CT45A1: variants seen among roughly 807,000 people sequenced by gnomAD.
CT45A1 encodes the protein cancer/testis antigen 45-1.
intron 1 of CT45A1, among the ~76,000 whole-genome samples, chrX:135,714,434 A>G (rs1235290451): frequency 9.2e-6 from 1 of 108,425 alleles, no homozygotes; most frequent in Admixed American, 9.8e-5. Flanking sequence ...GCCATGAGGG[A>G]GGCCACGTGA....
At chrX:135,709,874 T>C (rs1350952713), upstream of CT45A1, among the ~76,000 whole-genome samples, 1 of 112,163 alleles carries the variant, frequency 8.9e-6, no homozygotes, top group African/African-American at 3.2e-5. Context: ...CTGGTATTTA[T>C]AATTTTAAAA....
At chrX:135,718,136 A>G (rs1556572300) in intron 1 of CT45A1, among the ~76,000 whole-genome samples, 1 of 112,221 alleles carries the variant, frequency 8.9e-6, no homozygotes, top group Non-Finnish European at 1.9e-5. Context: ...TTGACCATGT[A>G]TGAAAATGAT....
intron 1 of CT45A1, among the ~76,000 whole-genome samples, chrX:135,715,539 A>G (rs1329962017): frequency 1.2e-5 from 1 of 86,748 alleles, no homozygotes; most frequent in African/African-American, 4.4e-5. Flanking sequence ...TATAATACTT[A>G]TATATAATAC....
intron 1 of CT45A1, among the ~76,000 whole-genome samples, chrX:135,718,440 T>C (rs1324170983): frequency 9.0e-6 from 1 of 110,498 alleles, no homozygotes; most frequent in Non-Finnish European, 1.9e-5. Flanking sequence ...TAATAAGAGT[T>C]CCTAATAAGG....
chrX:135,709,278 G>A (rs1192415249), upstream of CT45A1, among the ~76,000 whole-genome samples: 2 of 110,829 alleles, frequency 1.8e-5, no homozygotes, highest in African/African-American at 3.3e-5. Context: ...GGCATGCACT[G>A]TTACACCTGG....
At chrX:135,717,789 G>C (rs143451561) in intron 1 of CT45A1, among the ~76,000 whole-genome samples, 197 of 111,481 alleles carry the variant, frequency 1.8e-3, no homozygotes, top group African/African-American at 6.1e-3. Context: ...ATTATATCTA[G>C]TAAGTTGACT....
intron 1 of CT45A1, among the ~76,000 whole-genome samples, chrX:135,715,357 TAA>T (rs1556571066): frequency 2.7e-5 from 1 of 36,495 alleles, no homozygotes; most frequent in African/African-American, 9.8e-5. Flanking sequence ...TACTTACATA[TAA>T]TACTTATATA....
At chrX:135,714,413 G>A (rs2087961830) in intron 1 of CT45A1, among the ~76,000 whole-genome samples, 1 of 109,481 alleles carries the variant, frequency 9.1e-6, no homozygotes, top group Non-Finnish European at 1.9e-5. Flanking sequence ...GACTCAGGGA[G>A]CTCTGTGTCA....
upstream of CT45A1, among the ~76,000 whole-genome samples, chrX:135,712,914 C>CTTTCTTTTCT (rs1159890739): frequency 9.8e-6 from 1 of 102,209 alleles, no homozygotes. Context: ...TTCTTTCTTT[C>CTTTCTTTTCT]TTTCTTTTCT....
chrX:135,710,533 T>C (rs1411090271), upstream of CT45A1, among the ~76,000 whole-genome samples: 2 of 111,822 alleles, frequency 1.8e-5, no homozygotes, highest in East Asian at 2.8e-4. Context: ...AGTCTGGTGC[T>C]AAATTGGGGG....
intron 1 of CT45A1, among the ~76,000 whole-genome samples, chrX:135,713,922 C>G (rs1466165974): frequency 1.0e-5 from 1 of 99,787 alleles, no homozygotes; most frequent in Non-Finnish European, 2.0e-5. Flanking sequence ...GTTGTGAGGC[C>G]GGGGGGCTTT....
upstream of CT45A1, chrX:135,713,536 G>A (rs1297617361): frequency 1.6e-5 from 12 of 736,603 alleles, no homozygotes; most frequent in Non-Finnish European, 1.9e-5. Flanking sequence ...GGTGCTTCTG[G>A]TGAGACGCCT....
At chrX:135,715,380 A>C in intron 1 of CT45A1, among the ~76,000 whole-genome samples, 1 of 69,505 alleles carries the variant, frequency 1.4e-5, no homozygotes, top group Non-Finnish European at 2.5e-5. Context: ...TATAATACTT[A>C]TATATAATAC....
chrX:135,715,378 TTATATATAATACTTA>T (rs1332072620), intron 1 of CT45A1, among the ~76,000 whole-genome samples: 136 of 69,359 alleles, frequency 2.0e-3, no homozygotes, highest in African/African-American at 7.9e-3. Context: ...TATATAATAC[TTATATATAATACTTA>T]TATATATAAT....
At chrX:135,714,605 G>A (rs1454562211) in intron 1 of CT45A1, among the ~76,000 whole-genome samples, 1 of 111,111 alleles carries the variant, frequency 9.0e-6, no homozygotes, top group African/African-American at 3.3e-5. Context: ...GGTTCCAGCT[G>A]TGCCACATTC....
At chrX:135,710,836 G>A (rs148079298), upstream of CT45A1, among the ~76,000 whole-genome samples, 1 of 112,530 alleles carries the variant, frequency 8.9e-6, no homozygotes, top group Admixed American at 9.4e-5. Context: ...CACTTGGAAA[G>A]GTCTGTCCAC....
chrX:135,715,215 ACT>A (rs2087968960), intron 1 of CT45A1, among the ~76,000 whole-genome samples: 1 of 88,278 alleles, frequency 1.1e-5, no homozygotes, highest in South Asian at 4.8e-4. Flanking sequence ...TATATATAAT[ACT>A]TATATATATA....
chrX:135,715,319 ATAATACT>A, intron 1 of CT45A1, among the ~76,000 whole-genome samples: 3 of 81,025 alleles, frequency 3.7e-5, no homozygotes, highest in Non-Finnish European at 6.6e-5. Flanking sequence ...ATACTTATAT[ATAATACT>A]TATATATTAT....
chrX:135,712,700 TC>T (rs1556569928), upstream of CT45A1, among the ~76,000 whole-genome samples: 1 of 108,783 alleles, frequency 9.2e-6, no homozygotes, highest in Non-Finnish European at 1.9e-5. Flanking sequence ...CGGTTAATTT[TC>T]TGTATTTTTA....
Sources: gnomAD v4.1 joint callset for allele counts (sites outside exome capture counted in the v4.1 genomes callset) on GRCh38, gnomAD v4.1.1 for gene constraint, MANE v1.5 for transcripts, NCBI Gene and HGNC (gene_info 2026-07-23, HGNC 2026-07-21) for gene names.